Variants in ENTREP2 observed in about 807,000 individuals in gnomAD.
The protein encoded by ENTREP2 is protein ENTREP2.
At chr15:29,566,495 C>T in the ENTREP2 span, among the ~76,000 whole-genome samples, 1 of 151,478 alleles carries the variant, frequency 6.6e-6, no homozygotes, top group Non-Finnish European at 1.5e-5. Context: ...TCACTCTTGT[C>T]CCCCAGGCTG....
the ENTREP2 span, among the ~76,000 whole-genome samples, chr15:29,539,714 T>C: frequency 6.6e-6 from 1 of 152,040 alleles, no homozygotes; most frequent in East Asian, 1.9e-4. Context: ...GAAAATGGCA[T>C]TTACCTAAAC....
At chr15:29,184,861 G>A in the ENTREP2 span, among the ~76,000 whole-genome samples, 14 of 152,210 alleles carry the variant, frequency 9.2e-5, no homozygotes, top group East Asian at 2.5e-3. Context: ...AAAGCATTTG[G>A]TTATTTCAGG....
At chr15:29,672,572 G>C in the ENTREP2 span, among the ~76,000 whole-genome samples, 1 of 151,956 alleles carries the variant, frequency 6.6e-6, no homozygotes, top group African/African-American at 2.4e-5. Context: ...CACCACACAC[G>C]GTCCATGTGT....
the ENTREP2 span, among the ~76,000 whole-genome samples, chr15:29,393,694 T>G: frequency 6.6e-6 from 1 of 152,190 alleles, no homozygotes; most frequent in Non-Finnish European, 1.5e-5. Context: ...GTGTTTTTAT[T>G]GGTCCCATAA....
the ENTREP2 span, among the ~76,000 whole-genome samples, chr15:29,484,023 T>C: frequency 6.6e-6 from 1 of 152,170 alleles, no homozygotes; most frequent in Non-Finnish European, 1.5e-5. Flanking sequence ...GGATACACGC[T>C]GCATGCACAG....
the ENTREP2 span, among the ~76,000 whole-genome samples, chr15:29,199,958 CA>C: frequency 6.6e-6 from 1 of 152,188 alleles, no homozygotes; most frequent in Admixed American, 6.5e-5. Flanking sequence ...ATTGTTCCAA[CA>C]TTTGTTGAAA....
chr15:29,126,280 T>C, the ENTREP2 span: 28 of 1,471,228 alleles, frequency 1.9e-5, no homozygotes, highest in Non-Finnish European at 2.4e-5. Flanking sequence ...CCATGCTAGA[T>C]GTGCACAAGG....
At chr15:29,447,477 T>C in the ENTREP2 span, among the ~76,000 whole-genome samples, 1 of 152,132 alleles carries the variant, frequency 6.6e-6, no homozygotes, top group Non-Finnish European at 1.5e-5. Flanking sequence ...ATTTTTTTAT[T>C]TTCTTTGAGA....
chr15:29,421,295 C>A, the ENTREP2 span, among the ~76,000 whole-genome samples: 1 of 152,158 alleles, frequency 6.6e-6, no homozygotes, highest in Non-Finnish European at 1.5e-5. Flanking sequence ...GGTATAAATC[C>A]AAATACTGAC....
the ENTREP2 span, among the ~76,000 whole-genome samples, chr15:29,517,570 C>A: frequency 6.6e-6 from 1 of 152,134 alleles, no homozygotes; most frequent in Non-Finnish European, 1.5e-5. Context: ...GCCTTTTCTA[C>A]TTGACTGTGA....
chr15:29,220,994 C>T, the ENTREP2 span, among the ~76,000 whole-genome samples: 5 of 151,944 alleles, frequency 3.3e-5, no homozygotes, highest in Non-Finnish European at 5.9e-5. Context: ...TGTGTGCCAT[C>T]GTGAAGAGGG....
the ENTREP2 span, among the ~76,000 whole-genome samples, chr15:29,202,427 G>GA: frequency 6.6e-6 from 1 of 152,036 alleles, no homozygotes; most frequent in Non-Finnish European, 1.5e-5. Flanking sequence ...TTACATTGCA[G>GA]AATGATTGAA....
chr15:29,277,552 G>C, the ENTREP2 span, among the ~76,000 whole-genome samples: 1 of 152,148 alleles, frequency 6.6e-6, no homozygotes, highest in African/African-American at 2.4e-5. Context: ...TCTCAGTAGG[G>C]CTCACATCCC....
the ENTREP2 span, among the ~76,000 whole-genome samples, chr15:29,322,318 A>G: frequency 1.3e-5 from 2 of 152,216 alleles, no homozygotes; most frequent in Non-Finnish European, 2.9e-5. Context: ...TTTCAAGAAT[A>G]CACTACATTG....
At chr15:29,123,765 C>T in the ENTREP2 span, 3 of 1,161,738 alleles carry the variant, frequency 2.6e-6, no homozygotes, top group Non-Finnish European at 3.6e-6. Context: ...TTTCTGTGTT[C>T]CTGGGGCTGG....
the ENTREP2 span, among the ~76,000 whole-genome samples, chr15:29,658,029 TAAAAC>T: frequency 6.6e-6 from 1 of 152,162 alleles, no homozygotes; most frequent in South Asian, 2.1e-4. Context: ...GGAAAAACGT[TAAAAC>T]AAATCAGGAG....
chr15:29,638,949 G>T, the ENTREP2 span, among the ~76,000 whole-genome samples: 1 of 152,220 alleles, frequency 6.6e-6, no homozygotes, highest in East Asian at 1.9e-4. Context: ...TTTTTGTGGT[G>T]AGTCACTCAA....
chr15:29,402,418 T>C, the ENTREP2 span, among the ~76,000 whole-genome samples: 4 of 151,960 alleles, frequency 2.6e-5, no homozygotes, highest in Admixed American at 2.0e-4. Flanking sequence ...CATGCTCAAG[T>C]GATCCTCCCA....
chr15:29,615,428 T>C, the ENTREP2 span, among the ~76,000 whole-genome samples: 7 of 152,140 alleles, frequency 4.6e-5, no homozygotes, highest in Non-Finnish European at 1.0e-4. Context: ...AGTGCTGGGA[T>C]TAGACGTGAG....
Sources: gnomAD v4.1 joint callset for allele counts (sites outside exome capture counted in the v4.1 genomes callset) on GRCh38, gnomAD v4.1.1 for gene constraint, MANE v1.5 for transcripts, NCBI Gene and HGNC (gene_info 2026-07-23, HGNC 2026-07-21) for gene names.